TYW3: variants seen among roughly 807,000 people sequenced by gnomAD.
The protein encoded by TYW3 is tRNA-yW synthesizing protein 3 homolog, also known as tRNA wybutosine-synthesizing protein 3 homolog.
TYW3 carries 26 observed loss-of-function variants against 23.1 expected under a neutral mutation model. The ratio of observed to expected loss-of-function variants is 1.13; its 90% CI spans 0.83 to 1.56. The LOEUF (loss-of-function observed/expected upper bound fraction) is 1.56. TYW3 is among the 40% of genes most tolerant of loss of function. The probability of loss-of-function intolerance (pLI) is 0.00; values close to 1 mark genes in which losing one functional copy is unlikely to be tolerated. For missense variants in TYW3, 316 were observed against 311.9 expected (o/e 1.01, Z -0.10); for synonymous variants, 102 against 105.7 (o/e 0.97, Z 0.21).
intron 1 of TYW3, chr1:74,733,649 G>A: frequency 1.3e-6 from 1 of 765,666 alleles, no homozygotes; most frequent in South Asian, 6.1e-5. Context: ...TTCTTTAAGT[G>A]TAGGGTAGGG....
chr1:74,745,023 T>A (rs1326865795), intron 3 of TYW3, among the ~76,000 whole-genome samples: 1 of 151,772 alleles, frequency 6.6e-6, no homozygotes. Flanking sequence ...TTGTTCCTCC[T>A]GGTGGGTTCG....
intron 4 of TYW3, among the ~76,000 whole-genome samples, chr1:74,751,759 A>G (rs1648794901): frequency 6.6e-6 from 1 of 152,118 alleles, no homozygotes. Context: ...ACCTCTATCC[A>G]GTGTTTGCCT....
chr1:74,760,911 G>T (rs1451947992), intron 5 of TYW3, among the ~76,000 whole-genome samples: 1 of 152,190 alleles, frequency 6.6e-6, no homozygotes, highest in Non-Finnish European at 1.5e-5. Context: ...TGAAAAACAA[G>T]AATTCATTTT....
intron 5 of TYW3, among the ~76,000 whole-genome samples, chr1:74,752,738 G>C (rs893773526): frequency 1.3e-4 from 20 of 152,116 alleles, no homozygotes; most frequent in Non-Finnish European, 2.6e-4. Flanking sequence ...CACAGGAACT[G>C]TAACTGATCA....
At chr1:74,734,372 A>T (rs1323565728) in intron 1 of TYW3, among the ~76,000 whole-genome samples, 2 of 152,170 alleles carry the variant, frequency 1.3e-5, no homozygotes, top group Non-Finnish European at 2.9e-5. Flanking sequence ...GCTTGTGTTC[A>T]AGTAACTCTT....
intron 5 of TYW3, among the ~76,000 whole-genome samples, chr1:74,757,229 C>A (rs1289763668): frequency 1.3e-5 from 2 of 152,184 alleles, no homozygotes; most frequent in East Asian, 3.9e-4. Flanking sequence ...AAGCGGGCTA[C>A]CATCCTCCAG....
At position 74,765,011 on chromosome 1, in the gene TYW3, G is replaced by GAATT. The variant is rs1213523631; in HGVS notation, c.*900_*903dup. The GAATT allele has an allele frequency of 6.6e-6, 1 of 152,110 alleles. No homozygotes were observed. The highest frequency in any genetic ancestry group is 1.9e-4 in the East Asian group (1 of 5,178). The allele number at this position is 152,110 out of a possible 1,614,324, so 9.4% of individuals were successfully genotyped here. Reference sequence around the variant, plus strand: ...GTTTCCTTAATATGGCTGCATATCAGAATTACCTAGGTCAGGACGAGGCAT... The same window carrying GAATT: ...GTTTCCTTAATATGGCTGCATATCAGAATTAATTACCTAGGTCAGGACGAGGCAT... On this transcript the variant is annotated 3_prime_UTR_variant, in exon 6 of 6. Coordinates refer to ENST00000370867, the MANE Select transcript of TYW3 (RefSeq NM_138467.3).
intron 4 of TYW3, among the ~76,000 whole-genome samples, chr1:74,751,978 T>C (rs1287501615): frequency 6.6e-6 from 1 of 152,226 alleles, no homozygotes; most frequent in Non-Finnish European, 1.5e-5. Context: ...TTTCTTTAAG[T>C]CGTGTATTAT....
intron 3 of TYW3, among the ~76,000 whole-genome samples, chr1:74,740,082 A>C (rs1207822947): frequency 6.6e-6 from 1 of 152,244 alleles, no homozygotes; most frequent in Non-Finnish European, 1.5e-5. Context: ...CGCTGACTTC[A>C]AGAATGAAGC....
chr1:74,762,993 C>A (rs1649178169), intron 5 of TYW3, among the ~76,000 whole-genome samples: 1 of 152,078 alleles, frequency 6.6e-6, no homozygotes. Context: ...CTAAAAAATT[C>A]AAATAGCTAA....
intron 4 of TYW3, among the ~76,000 whole-genome samples, chr1:74,749,066 C>T (rs914600131): frequency 6.6e-6 from 1 of 152,158 alleles, no homozygotes; most frequent in East Asian, 1.9e-4. Context: ...CTCTGCCCTC[C>T]TCATCCTAAG....
At chr1:74,759,575 G>A (rs959036610) in intron 5 of TYW3, among the ~76,000 whole-genome samples, 2 of 151,938 alleles carry the variant, frequency 1.3e-5, no homozygotes, top group African/African-American at 2.4e-5. Context: ...ACATTTCCCT[G>A]TATAGTTGAC....
At chr1:74,734,198 C>T (rs1042868329) in intron 1 of TYW3, 2 of 152,138 alleles carry the variant, frequency 1.3e-5, no homozygotes, top group African/African-American at 4.8e-5. Context: ...TTTTAAATTG[C>T]ATGCTGTTCT....
At chr1:74,755,933 G>A (rs1479316392) in intron 5 of TYW3, among the ~76,000 whole-genome samples, 1 of 152,132 alleles carries the variant, frequency 6.6e-6, no homozygotes, top group East Asian at 1.9e-4. Flanking sequence ...AATTATGGGG[G>A]CAGGTCTTTC....
chr1:74,749,072 C>G (rs947606159), intron 4 of TYW3, among the ~76,000 whole-genome samples: 1 of 152,198 alleles, frequency 6.6e-6, no homozygotes, highest in African/African-American at 2.4e-5. Context: ...CCTCCTCATC[C>G]TAAGTAGGCA....
At chr1:74,738,545 G>GAA (rs1190974251) in intron 2 of TYW3, 145 bp from the exon 3 acceptor site, 1 of 476,978 alleles carries the variant, frequency 2.1e-6, no homozygotes, top group Non-Finnish European at 3.6e-6. Flanking sequence ...AAAGGACCAA[G>GAA]AAAGCAGAGG....
chr1:74,736,570 A>G lies in TYW3; in HGVS notation c.203A>G (p.Gln68Arg). 6.2e-7 allele frequency: 1 copy of G among 1,603,330 alleles called. No homozygotes were observed. Among genetic ancestry groups the G allele is most frequent in the African/African-American group, 1.3e-5 (1 of 74,926 alleles). ...ATAAATGGTTTTGAGGTTCAGAAAC[A>G]AAACTGTTGCTGGCTACTGGTTACA... Reference protein sequence around the residue: ...RGINGFEVQKQNCCWLLVTHK... With the variant: ...RGINGFEVQKRNCCWLLVTHK... Residue 68 changes from glutamine (Q) to arginine (R), a missense_variant, in exon 2 of 6, where the codon CAA becomes CGA. Physicochemically the swap from Gln to Arg is conservative, Grantham distance 43 (BLOSUM62 1). Transcript: ENST00000370867.
At chr1:74,760,547 G>A (rs1011398669) in intron 5 of TYW3, among the ~76,000 whole-genome samples, 1 of 152,054 alleles carries the variant, frequency 6.6e-6, no homozygotes, top group South Asian at 2.1e-4. Context: ...TTATAACGGA[G>A]AGCATTTTGT....
intron 3 of TYW3, among the ~76,000 whole-genome samples, chr1:74,742,495 C>G (rs898234766): frequency 6.6e-6 from 1 of 152,188 alleles, no homozygotes; most frequent in Non-Finnish European, 1.5e-5. Flanking sequence ...GGAGCTTAAC[C>G]TCTTGGAGGG....
Sources: allele counts gnomAD v4.1 joint callset (sites outside exome capture counted in the v4.1 genomes callset), GRCh38; gene constraint gnomAD v4.1.1; transcripts MANE v1.5; gene names NCBI Gene and HGNC (gene_info 2026-07-23, HGNC 2026-07-21).